Variants in BPHL observed in about 807,000 individuals in gnomAD.
BPHL encodes biphenyl hydrolase like.
BPHL carries 27 observed loss-of-function variants against 31.2 expected under a neutral mutation model. The ratio of observed to expected loss-of-function variants is 0.87; its 90% CI spans 0.64 to 1.19. The LOEUF (loss-of-function observed/expected upper bound fraction) is 1.19. BPHL is among the 50% of genes most tolerant of loss of function. BPHL has a pLI of 0.00. For missense variants in BPHL, 356 were observed against 375.7 expected, an observed-to-expected ratio of 0.95 and a Z score of 0.43; for synonymous variants, 150 against 146.8, an observed-to-expected ratio of 1.02 and a Z score of -0.16.
rs946800844 is a variant in BPHL at position 3,118,807 on chromosome 6, G to A, written c.67G>A (p.Gly23Arg). ...GCTGCTTCTCTCAGCGCTGAAGCCC[G>A]GGATCCACGTCCCACGGGCCGGACC... ...LRLLLSALKP[G>R]IHVPRAGPAA... The change falls in exon 1 of 7, where the codon GGG becomes AGG. Residue 23 changes from glycine to arginine, a missense_variant. Gly to Arg is a moderately radical substitution (Grantham distance 125). Coordinates refer to ENST00000380379, the MANE Select transcript of BPHL (RefSeq NM_004332.4). 6 of 1,244,906 alleles carry A rather than the reference G, an allele frequency of 4.8e-6. No homozygotes were observed. Among genetic ancestry groups the A allele is most frequent in the South Asian group, 7.6e-5 (2 of 26,250 alleles). 77.1% of individuals were successfully genotyped at this position (1,244,906 alleles called of 1,614,324 possible). A position where few individuals can be genotyped will look rare whatever the true frequency, so the allele number is the denominator to read the frequency against.
intron 6 of BPHL, among the ~76,000 whole-genome samples, chr6:3,141,977 A>G (rs1234623939): frequency 6.7e-6 from 1 of 149,412 alleles, no homozygotes; most frequent in Admixed American, 6.6e-5. Flanking sequence ...CGTCTCAGAA[A>G]TAAATAAATA....
chr6:3,123,789 T>A, intron 2 of BPHL, 29 bp downstream of exon 2: 1 of 1,576,498 alleles, frequency 6.3e-7, no homozygotes. Context: ...GGAATGTTTT[T>A]GCATGCTGTA....
intron 3 of BPHL, among the ~76,000 whole-genome samples, chr6:3,127,807 T>C (rs770165471): frequency 1.3e-4 from 20 of 152,208 alleles, no homozygotes; most frequent in Middle Eastern, 3.4e-3. Flanking sequence ...ATGTACTGTA[T>C]CTTATTTCAC....
intron 6 of BPHL, among the ~76,000 whole-genome samples, chr6:3,141,548 C>T (rs999956802): frequency 1.3e-5 from 2 of 152,062 alleles, no homozygotes; most frequent in African/African-American, 4.8e-5. Flanking sequence ...TTTGTATTTT[C>T]AGTAGAGACG....
At chr6:3,121,983 TAG>T (rs1403648682) in intron 1 of BPHL, among the ~76,000 whole-genome samples, 1 of 151,380 alleles carries the variant, frequency 6.6e-6, no homozygotes, top group Non-Finnish European at 1.5e-5. Flanking sequence ...GAGGTAGGAG[TAG>T]AGAGTATGTA....
At chr6:3,152,423 AGAGT>A in intron 6 of BPHL, 61 bp from the exon 7 acceptor site, 1 of 1,340,922 alleles carries the variant, frequency 7.5e-7, no homozygotes, top group Admixed American at 1.8e-5. Flanking sequence ...AATGTTGGGG[AGAGT>A]GAGGGGTTTG....
At chr6:3,141,420 T>C (rs1284071293) in intron 6 of BPHL, among the ~76,000 whole-genome samples, 2 of 152,110 alleles carry the variant, frequency 1.3e-5, no homozygotes, top group Non-Finnish European at 2.9e-5. Flanking sequence ...TGGGCTGGAG[T>C]GCAGTGGCAC....
chr6:3,143,963 A>G (rs1762249702), intron 6 of BPHL, among the ~76,000 whole-genome samples: 1 of 152,196 alleles, frequency 6.6e-6, no homozygotes, highest in Non-Finnish European at 1.5e-5. Context: ...CCCACCCCTT[A>G]GGCCAGGACT....
chr6:3,126,461 G>A (rs932587858), intron 2 of BPHL, among the ~76,000 whole-genome samples: 1 of 152,154 alleles, frequency 6.6e-6, no homozygotes, highest in Non-Finnish European at 1.5e-5. Flanking sequence ...AAGCCAAAGA[G>A]GTTTCAAAAG....
Position 3,135,830 on chromosome 6 carries a change from G to A in BPHL, c.533-1532G>A, listed in dbSNP as rs184182241. On this transcript the variant is annotated intron_variant, in intron 4 of 6. Coordinates refer to ENST00000380379, the MANE Select transcript of BPHL (RefSeq NM_004332.4). ...AATCTGAAAATAAACAAAGCAGTGAGCATAAATCGAGAGCGCTTTCCTTCC... is the reference window on the plus strand; with the variant it reads ...AATCTGAAAATAAACAAAGCAGTGAACATAAATCGAGAGCGCTTTCCTTCC... Among the ~76,000 whole-genome samples the A allele has an allele frequency of 1.9e-3, 290 of 152,324 alleles. 3 individuals carry two copies. Among genetic ancestry groups the A allele is most frequent in the African/African-American group, 6.7e-3 (279 of 41,566 alleles).
intron 4 of BPHL, among the ~76,000 whole-genome samples, chr6:3,133,623 T>C (rs750843666): frequency 6.6e-5 from 10 of 151,964 alleles, no homozygotes; most frequent in Non-Finnish European, 1.5e-4. Flanking sequence ...CCTGCCTCCT[T>C]GTGTGGGCCC....
At chr6:3,133,049 C>T (rs1270846745) in intron 4 of BPHL, among the ~76,000 whole-genome samples, 1 of 152,096 alleles carries the variant, frequency 6.6e-6, no homozygotes, top group Non-Finnish European at 1.5e-5. Context: ...ACTCTTTCTC[C>T]CTGAAAATAA....
At chr6:3,128,020 C>T (rs1349515791) in intron 3 of BPHL, among the ~76,000 whole-genome samples, 2 of 152,134 alleles carry the variant, frequency 1.3e-5, no homozygotes, top group East Asian at 1.9e-4. Flanking sequence ...AGGGTTTCAT[C>T]GCATTAGTCC....
chr6:3,150,206 A>T (rs551256087), intron 6 of BPHL: 5 of 152,208 alleles, frequency 3.3e-5, no homozygotes, highest in Non-Finnish European at 7.3e-5. Flanking sequence ...TCATAGATCA[A>T]GTTTTGTTAC....
intron 4 of BPHL, among the ~76,000 whole-genome samples, chr6:3,133,276 C>T (rs957731560): frequency 1.3e-5 from 2 of 152,060 alleles, no homozygotes; most frequent in African/African-American, 4.8e-5. Flanking sequence ...TCTTGCCCTA[C>T]CCCTCTCTCC....
chr6:3,119,634 TA>T (rs1244749656), intron 1 of BPHL: 5 of 1,342,164 alleles, frequency 3.7e-6, no homozygotes, highest in Non-Finnish European at 5.2e-6. Context: ...TGTTTTACTT[TA>T]TTCTCTACAT....
chr6:3,132,644 A>G (rs1335358207), intron 4 of BPHL, among the ~76,000 whole-genome samples: 1 of 152,126 alleles, frequency 6.6e-6, no homozygotes, highest in Non-Finnish European at 1.5e-5. Flanking sequence ...CAGCCTGGGC[A>G]ACGTAGCAAG....
In BPHL at chr6:3,152,727, A is replaced by G; in HGVS notation, c.*152A>G. On this transcript the variant is annotated 3_prime_UTR_variant, in exon 7 of 7. Transcript: ENST00000380379. The stretch of plus-strand genomic sequence containing the variant: ...CCAAATGAGAATAATGACATATTGA[A>G]AACAGCCTCTAGCTTCAGGCTGGGC... 1 of 656,896 alleles carries G rather than the reference A, an allele frequency of 1.5e-6. No individual in the cohort carries two copies. The highest frequency in any genetic ancestry group is 2.5e-6 in the Non-Finnish European group (1 of 401,712). The allele number at this position is 656,896 out of a possible 1,614,324, so 40.7% of individuals were successfully genotyped here. A position where few individuals can be genotyped will look rare whatever the true frequency, so the allele number is the denominator to read the frequency against.
chr6:3,123,925 C>T, intron 2 of BPHL, 165 bp downstream of exon 2: 4 of 550,900 alleles, frequency 7.3e-6, no homozygotes, highest in Non-Finnish European at 1.2e-5. Flanking sequence ...TAACTTTCTA[C>T]TGCTGTTCAG....
Sources: gnomAD v4.1 joint callset for allele counts (sites outside exome capture counted in the v4.1 genomes callset) on GRCh38, gnomAD v4.1.1 for gene constraint, MANE v1.5 for transcripts, NCBI Gene and HGNC (gene_info 2026-07-23, HGNC 2026-07-21) for gene names.